Variants in B3GALT1 observed in about 807,000 individuals in gnomAD.
The protein encoded by B3GALT1 is UDP-Gal:betaGlcNAc beta 1,3-galactosyltransferase, polypeptide 1.
Under a neutral mutation model 23.2 loss-of-function variants are expected in B3GALT1, and 10 were observed. That is an observed-to-expected ratio of 0.43 (90% CI 0.27 to 0.73). The LOEUF is 0.73. Among genes scored for constraint, B3GALT1 ranks in the 30% least tolerant of loss-of-function variants. The probability of loss-of-function intolerance (pLI) is 0.21; values close to 1 mark genes in which losing one functional copy is unlikely to be tolerated. For synonymous variants in B3GALT1, 156 were observed against 141.5 expected, an observed-to-expected ratio of 1.10 and a Z score of -0.73; for missense variants, 299 against 405.4, an observed-to-expected ratio of 0.74 and a Z score of 2.25.
chr2:167,480,418 T>C (rs559343514), intron 1 of B3GALT1, among the ~76,000 whole-genome samples: 25 of 152,298 alleles, frequency 1.6e-4, no homozygotes, highest in African/African-American at 6.0e-4. Flanking sequence ...GCTCAATTTC[T>C]CCCACTGTCG....
intron 3 of B3GALT1, among the ~76,000 whole-genome samples, chr2:167,760,341 TA>T (rs1687881214): frequency 6.6e-6 from 1 of 152,116 alleles, no homozygotes; most frequent in Non-Finnish European, 1.5e-5. Context: ...TGACCAGAAT[TA>T]TGATGGCAGT....
At chr2:167,746,807 T>A (rs998867963) in intron 3 of B3GALT1, among the ~76,000 whole-genome samples, 4 of 152,250 alleles carry the variant, frequency 2.6e-5, no homozygotes, top group Non-Finnish European at 5.9e-5. Context: ...GTCTTTGCAG[T>A]CTGCCTTTCC....
At position 167,774,776 on chromosome 2, in the gene B3GALT1, G is replaced by A. The variant is rs549087382; in HGVS notation, c.-351-43896G>A. 9.6e-4 allele frequency among the ~76,000 whole-genome samples: 146 copies of A among 152,096 alleles called. 1 individual carries two copies. The highest frequency in any genetic ancestry group is 3.2e-3 in the African/African-American group (133 of 41,448). Reference sequence around the variant, plus strand: ...CTCCCAAAGTGCTGGGATTACAGGCGTGAGCCACCACGCCCGGCCTCTATG... The same window carrying A: ...CTCCCAAAGTGCTGGGATTACAGGCATGAGCCACCACGCCCGGCCTCTATG... On this transcript the variant is annotated intron_variant, in intron 3 of 4. Coordinates refer to ENST00000392690, the MANE Select transcript of B3GALT1 (RefSeq NM_020981.4).
At chr2:167,559,657 T>C (rs1432356209) in intron 2 of B3GALT1, among the ~76,000 whole-genome samples, 4 of 152,130 alleles carry the variant, frequency 2.6e-5, no homozygotes, top group African/African-American at 9.7e-5. Flanking sequence ...ACGTGAAGAA[T>C]GCAGAAGCCT....
At chr2:167,481,094 A>G (rs1699558868) in intron 1 of B3GALT1, among the ~76,000 whole-genome samples, 1 of 152,166 alleles carries the variant, frequency 6.6e-6, no homozygotes, top group African/African-American at 2.4e-5. Context: ...TTTAAAGACG[A>G]TTGTCTGCAC....
At chr2:167,801,342 T>C (rs1451839499) in intron 3 of B3GALT1, among the ~76,000 whole-genome samples, 4 of 152,212 alleles carry the variant, frequency 2.6e-5, no homozygotes, top group Non-Finnish European at 5.9e-5. Flanking sequence ...AAAATGTGAA[T>C]CTTCATTTTA....
rs1020051613 is a variant in B3GALT1, at chr2:167,457,373, A to G, written c.-510-32804A>G. On this transcript the variant is annotated intron_variant, in intron 1 of 4. Coordinates refer to ENST00000392690, the MANE Select transcript of B3GALT1 (RefSeq NM_020981.4). ...TTTTTAGTAGAGACAGGGTTTCACC[A>G]TGTCGGGCAGGCTGGTCTTGAACTC... is the stretch of plus-strand genomic sequence containing the variant. Among the ~76,000 whole-genome samples, 3 of 151,830 alleles carry G rather than the reference A, an allele frequency of 2.0e-5. No individual in the cohort carries two copies. In the South Asian group the frequency reaches 6.2e-4, roughly 32 times the overall value.
At chr2:167,591,597 GTAGCTGGAACTA>G (rs1362471790) in intron 2 of B3GALT1, among the ~76,000 whole-genome samples, 4 of 152,236 alleles carry the variant, frequency 2.6e-5, no homozygotes, top group African/African-American at 9.6e-5. Context: ...AGCCTTCGGA[GTAGCTGGAACTA>G]CAGGTGCATG....
intron 3 of B3GALT1, among the ~76,000 whole-genome samples, chr2:167,773,678 C>G (rs1368523412): frequency 6.6e-6 from 1 of 152,210 alleles, no homozygotes; most frequent in Non-Finnish European, 1.5e-5. Context: ...GCAAAGTGCT[C>G]ACTGCATGGA....
At chr2:167,306,529 G>A (rs1696554615) in intron 1 of B3GALT1, among the ~76,000 whole-genome samples, 1 of 151,692 alleles carries the variant, frequency 6.6e-6, no homozygotes, top group African/African-American at 2.4e-5. Context: ...TTAATATTTT[G>A]CACTGAATAT....
intron 1 of B3GALT1, among the ~76,000 whole-genome samples, chr2:167,405,533 A>G (rs1237556665): frequency 6.6e-6 from 1 of 152,118 alleles, no homozygotes; most frequent in East Asian, 1.9e-4. Context: ...ATTATTTCTT[A>G]TAAGGAGATC....
rs376302267 is a variant in B3GALT1 at position 167,454,223 on chromosome 2, G to A, written c.-510-35954G>A. ...TGTGTGTGTGTGTGCGCACGCGCGC[G>A]TGCACGTGTGTGCATGTATGTGTGC... On this transcript the variant is annotated intron_variant, in intron 1 of 4. Transcript: ENST00000392690. Among the ~76,000 whole-genome samples the A allele has an allele frequency of 1.4e-4, 19 of 139,632 alleles. No homozygotes were observed. The East Asian group carries it at 2.7e-3, about 20-fold the overall frequency. 91.6% of individuals were successfully genotyped at this position (139,632 alleles called of 152,430 possible).
intron 4 of B3GALT1, among the ~76,000 whole-genome samples, chr2:167,845,439 A>G (rs1408720379): frequency 2.0e-5 from 3 of 152,322 alleles, no homozygotes; most frequent in Non-Finnish European, 4.4e-5. Flanking sequence ...GACAACACCC[A>G]GTACCAGCCT....
chr2:167,784,961 A>G (rs1425400616), intron 3 of B3GALT1, among the ~76,000 whole-genome samples: 1 of 152,222 alleles, frequency 6.6e-6, no homozygotes, highest in African/African-American at 2.4e-5. Flanking sequence ...TCAAGATAGT[A>G]TCATTACTTT....
chr2:167,812,440 G>A lies in B3GALT1; in HGVS notation c.-351-6232G>A, dbSNP rs189181672. Among the ~76,000 whole-genome samples the A allele has an allele frequency of 6.0e-3, 911 of 152,294 alleles. 5 individuals carry two copies. Among genetic ancestry groups the A allele is most frequent in the Non-Finnish European group, 0.01 (695 of 68,032 alleles). On this transcript the variant is annotated intron_variant, in intron 3 of 4. Transcript: ENST00000392690. ...ATCTATCCCATTGTTCTGTTTGCTT[G>A]TTATAAAGGTAAATGCATGTTCTAC... is the stretch of plus-strand genomic sequence containing the variant.
chr2:167,818,612 T>C (rs1172802610), intron 3 of B3GALT1, among the ~76,000 whole-genome samples, 60 bp from the exon 4 acceptor site: 1 of 152,236 alleles, frequency 6.6e-6, no homozygotes, highest in East Asian at 1.9e-4. Flanking sequence ...TTTTCATTTC[T>C]CTGAACCCAA....
intron 3 of B3GALT1, among the ~76,000 whole-genome samples, chr2:167,672,675 G>A (rs1286567019): frequency 6.6e-6 from 1 of 151,978 alleles, no homozygotes; most frequent in Non-Finnish European, 1.5e-5. Flanking sequence ...TTACCTTTAG[G>A]GTTGTAATAA....
intron 1 of B3GALT1, among the ~76,000 whole-genome samples, chr2:167,299,153 T>C (rs1164828675): frequency 6.6e-6 from 1 of 152,170 alleles, no homozygotes; most frequent in Non-Finnish European, 1.5e-5. Flanking sequence ...CTATGAGATG[T>C]TTCCTAGACA....
chr2:167,355,731 T>A (rs1697390495), intron 1 of B3GALT1, among the ~76,000 whole-genome samples: 1 of 152,204 alleles, frequency 6.6e-6, no homozygotes, highest in South Asian at 2.1e-4. Context: ...CCATTGTGTT[T>A]TTTTTAGACT....
Sources: gnomAD v4.1 joint callset for allele counts (sites outside exome capture counted in the v4.1 genomes callset) on GRCh38, gnomAD v4.1.1 for gene constraint, MANE v1.5 for transcripts, NCBI Gene and HGNC (gene_info 2026-07-23, HGNC 2026-07-21) for gene names.